Variants in SOX6 observed in about 807,000 individuals in gnomAD.
SOX6 encodes the protein transcription factor SOX-6.
In SOX6, 11 loss-of-function variants were observed where a neutral mutation model predicts 97.8. The observed-to-expected ratio is 0.11, with a 90% CI of 0.07 to 0.19. SOX6 has a LOEUF of 0.19. SOX6 is among the 10% of genes least tolerant of loss of function. SOX6 has a pLI of 1.00. For missense variants in SOX6, 810 were observed against 1,039.5 expected, an observed-to-expected ratio of 0.78 and a Z score of 3.04; for synonymous variants, 360 against 371.4, an observed-to-expected ratio of 0.97 and a Z score of 0.35.
intron 1 of SOX6, among the ~76,000 whole-genome samples, chr11:16,391,822 T>A (rs1858193016): frequency 6.6e-6 from 1 of 152,044 alleles, no homozygotes. Context: ...CTAGGTGCCT[T>A]TATCTTTCTA....
At chr11:16,228,874 C>A (rs905656026) in intron 4 of SOX6, among the ~76,000 whole-genome samples, 1 of 152,152 alleles carries the variant, frequency 6.6e-6, no homozygotes, top group Admixed American at 6.6e-5. Flanking sequence ...AGCAGTCTTC[C>A]AACTCCTATC....
At chr11:16,017,744 C>T (rs1020847173) in intron 12 of SOX6, among the ~76,000 whole-genome samples, 2 of 152,078 alleles carry the variant, frequency 1.3e-5, no homozygotes, top group Non-Finnish European at 2.9e-5. Flanking sequence ...CATTAAGCAT[C>T]CATGAGCATG....
chr11:16,451,075 T>TA, intron 1 of SOX6, among the ~76,000 whole-genome samples: 1 of 151,618 alleles, frequency 6.6e-6, no homozygotes, highest in Admixed American at 6.6e-5. Context: ...TACAAAAAAA[T>TA]AAAAAAATTA....
At chr11:16,144,303 T>G (rs904670717) in intron 6 of SOX6, among the ~76,000 whole-genome samples, 1 of 152,046 alleles carries the variant, frequency 6.6e-6, no homozygotes, top group Non-Finnish European at 1.5e-5. Context: ...TTGAAACCAA[T>G]GAGAACAAAG....
At chr11:16,304,215 C>T (rs183230892) in intron 3 of SOX6, among the ~76,000 whole-genome samples, 7 of 152,172 alleles carry the variant, frequency 4.6e-5, no homozygotes, top group African/African-American at 1.7e-4. Context: ...TGTGCCTGGC[C>T]AAGTTTTGAG....
chr11:16,737,209 T>C (rs1848398168), intron 1 of SOX6, among the ~76,000 whole-genome samples: 1 of 152,160 alleles, frequency 6.6e-6, no homozygotes, highest in Non-Finnish European at 1.5e-5. Context: ...TTATTATTTA[T>C]TTATTTATTT....
At chr11:16,382,587 C>G (rs541412258) in intron 1 of SOX6, among the ~76,000 whole-genome samples, 9 of 151,956 alleles carry the variant, frequency 5.9e-5, no homozygotes, top group Non-Finnish European at 1.3e-4. Flanking sequence ...CACTGTAATG[C>G]TTTTACCTAA....
At chr11:16,484,266 T>A in intron 4 of SOX6, 1 of 1,105,180 alleles carries the variant, frequency 9.0e-7, no homozygotes, top group Non-Finnish European at 1.4e-6. Context: ...AGAATGTTGG[T>A]GTCACTGGGA....
intron 3 of SOX6, among the ~76,000 whole-genome samples, chr11:16,240,201 C>T (rs1256178520): frequency 3.3e-5 from 5 of 150,500 alleles, no homozygotes; most frequent in African/African-American, 9.8e-5. Context: ...TGCCTTAAAA[C>T]GATTTGGTCA....
At chr11:16,179,312 T>C (rs908507842) in intron 6 of SOX6, among the ~76,000 whole-genome samples, 2 of 151,882 alleles carry the variant, frequency 1.3e-5, no homozygotes, top group African/African-American at 4.8e-5. Flanking sequence ...CATTTAATGA[T>C]GCTCTACCAC....
chr11:16,340,235 A>G (rs1856587214), intron 2 of SOX6, among the ~76,000 whole-genome samples: 2 of 152,146 alleles, frequency 1.3e-5, no homozygotes, highest in Admixed American at 1.3e-4. Context: ...TTTGTTAGCC[A>G]AAGATTAAGA....
chr11:16,041,182 C>G (rs1480418325), intron 12 of SOX6, among the ~76,000 whole-genome samples: 1 of 152,064 alleles, frequency 6.6e-6, no homozygotes, highest in Non-Finnish European at 1.5e-5. Flanking sequence ...AGTCTGTGAG[C>G]TATAGAAGGA....
At chr11:16,095,940 TATGACTGAACAATCCAGTCCCCAACCCA>T (rs1317184943) in intron 9 of SOX6, 28 bp downstream of exon 9, 23 of 1,543,492 alleles carry the variant, frequency 1.5e-5, no homozygotes, top group Non-Finnish European at 2.0e-5. Context: ...AAGCCTAGAG[TATGACTGAACAATCCAGTCCCCAACCCA>T]ATGAAGCATC....
At chr11:16,190,732 G>T (rs926228504) in intron 4 of SOX6, among the ~76,000 whole-genome samples, 2 of 152,046 alleles carry the variant, frequency 1.3e-5, no homozygotes, top group African/African-American at 4.8e-5. Context: ...TCAAATTAGG[G>T]AAAAAACACC....
chr11:16,135,780 G>T (rs1849944856), intron 6 of SOX6, among the ~76,000 whole-genome samples: 1 of 152,312 alleles, frequency 6.6e-6, no homozygotes, highest in South Asian at 2.1e-4. Context: ...AGTTGATAAA[G>T]CATGTAAGGC....
chr11:16,072,871 A>G (rs1425240778), intron 9 of SOX6, among the ~76,000 whole-genome samples: 1 of 152,196 alleles, frequency 6.6e-6, no homozygotes, highest in Non-Finnish European at 1.5e-5. Flanking sequence ...AGGAGAAATC[A>G]GACCCTTTCC....
At chr11:16,389,530 C>G (rs1039687726) in intron 1 of SOX6, among the ~76,000 whole-genome samples, 1 of 151,900 alleles carries the variant, frequency 6.6e-6, no homozygotes, top group Non-Finnish European at 1.5e-5. Context: ...TAATTTATCT[C>G]TCTCTACTGA....
At chr11:16,248,440 C>T (rs994481757) in intron 3 of SOX6, among the ~76,000 whole-genome samples, 1 of 152,232 alleles carries the variant, frequency 6.6e-6, no homozygotes, top group Non-Finnish European at 1.5e-5. Context: ...CTGCAGCAAA[C>T]TTCTACCTGG....
At position 16,737,517 on chromosome 11, in the gene SOX6, TA is replaced by T. The variant is rs60393896; in HGVS notation, n.219+907del. On this transcript the variant is annotated intron_variant and non_coding_transcript_variant, in intron 1 of 5. Transcript: ENST00000524520. ...CATGGCGCCAGGCCTAATTTTTGCT[TA>T]AAAAAAAAAAAAATCACATTTGTAT... is the stretch of plus-strand genomic sequence containing the variant. Among the ~76,000 whole-genome samples, 1,044 of 146,712 alleles carry T rather than the reference TA, an allele frequency of 7.1e-3. 13 individuals are homozygous for T. The highest frequency in any genetic ancestry group is 0.023 in the African/African-American group (926 of 39,478).
Sources: allele counts gnomAD v4.1 joint callset (sites outside exome capture counted in the v4.1 genomes callset), GRCh38; gene constraint gnomAD v4.1.1; transcripts MANE v1.5; gene names NCBI Gene and HGNC (gene_info 2026-07-23, HGNC 2026-07-21).